Variants in CNTN4 observed in about 807,000 individuals in gnomAD.
CNTN4 encodes the protein contactin-4.
In CNTN4, 77 loss-of-function variants were observed where a neutral mutation model predicts 122.5. The ratio of observed to expected loss-of-function variants is 0.63; its 90% CI spans 0.52 to 0.76. The LOEUF (loss-of-function observed/expected upper bound fraction) is 0.76, where lower values mean the gene tolerates loss of function less well. Among genes scored for constraint, CNTN4 ranks in the 30% least tolerant of loss-of-function variants. The probability of loss-of-function intolerance (pLI) is 0.00; values close to 1 mark genes in which losing one functional copy is unlikely to be tolerated. For missense variants in CNTN4, 1,256 were observed against 1,259.1 expected (o/e 1.00, Z 0.04); for synonymous variants, 512 against 447.0 (o/e 1.15, Z -1.83).
At chr3:2,714,798 C>T (rs947359735) in intron 4 of CNTN4, among the ~76,000 whole-genome samples, 4 of 152,216 alleles carry the variant, frequency 2.6e-5, no homozygotes, top group East Asian at 3.9e-4. Context: ...AGTGCACTGG[C>T]ACTATTACAG....
At chr3:2,246,946 C>G (rs1282874430) in intron 2 of CNTN4, among the ~76,000 whole-genome samples, 2 of 152,086 alleles carry the variant, frequency 1.3e-5, no homozygotes, top group Non-Finnish European at 2.9e-5. Flanking sequence ...GTAGTGCAAA[C>G]ATACACATAG....
At chr3:2,734,072 T>C (rs1400665252) in intron 4 of CNTN4, among the ~76,000 whole-genome samples, 1 of 152,134 alleles carries the variant, frequency 6.6e-6, no homozygotes, top group Non-Finnish European at 1.5e-5. Flanking sequence ...TGTTTTGTTT[T>C]GTTTTGAGAT....
chr3:2,520,445 G>T (rs1240617406), intron 3 of CNTN4, among the ~76,000 whole-genome samples: 1 of 151,442 alleles, frequency 6.6e-6, no homozygotes, highest in African/African-American at 2.4e-5. Context: ...GCTAATTGTT[G>T]TATTTTTAGT....
chr3:2,159,354 A>G lies in CNTN4; in HGVS notation c.-145+58715A>G, dbSNP rs73015085. ...ACTTTCTTAATATTTTAACAATATC[A>G]AAACAGAAAAAAAATTGTTAGGCAT... On this transcript the variant is annotated intron_variant, in intron 2 of 24. Coordinates refer to ENST00000418658, the MANE Select transcript of CNTN4 (RefSeq NM_175607.3). Among the ~76,000 whole-genome samples, 519 of 152,100 alleles carry G rather than the reference A, an allele frequency of 3.4e-3. 4 individuals are homozygous for G. The highest frequency in any genetic ancestry group is 5.8e-3 in the Non-Finnish European group (397 of 68,032).
intron 13 of CNTN4, among the ~76,000 whole-genome samples, chr3:2,935,313 G>A (rs150838564): frequency 2.0e-5 from 3 of 152,210 alleles, no homozygotes; most frequent in African/African-American, 7.2e-5. Flanking sequence ...TTTAAAAAGT[G>A]TCCAATCTAA....
chr3:2,115,324 C>G (rs573148721), intron 2 of CNTN4, among the ~76,000 whole-genome samples: 4 of 152,324 alleles, frequency 2.6e-5, no homozygotes, highest in South Asian at 4.1e-4. Flanking sequence ...GGTTTTGGAG[C>G]TGCTTTGTCC....
At chr3:2,737,723 C>T (rs1389618327) in intron 5 of CNTN4, among the ~76,000 whole-genome samples, 3 of 152,094 alleles carry the variant, frequency 2.0e-5, no homozygotes, top group African/African-American at 7.2e-5. Context: ...CTTCAGAGAA[C>T]AGAGGTCACA....
intron 3 of CNTN4, among the ~76,000 whole-genome samples, chr3:2,436,754 A>G (rs2048271380): frequency 6.6e-6 from 1 of 150,824 alleles, no homozygotes; most frequent in Non-Finnish European, 1.5e-5. Flanking sequence ...AAGCAACTTC[A>G]TATATTTCCT....
At chr3:2,363,907 G>C (rs527828571) in intron 3 of CNTN4, among the ~76,000 whole-genome samples, 55 of 152,266 alleles carry the variant, frequency 3.6e-4, no homozygotes, top group Non-Finnish European at 6.3e-4. Flanking sequence ...TAATGTAGGT[G>C]ATTTCCTACA....
intron 2 of CNTN4, among the ~76,000 whole-genome samples, chr3:2,312,348 A>G (rs1250254576): frequency 6.6e-6 from 1 of 152,150 alleles, no homozygotes; most frequent in East Asian, 1.9e-4. Flanking sequence ...ATCCTCCTGA[A>G]TAATTAGGGC....
rs150296631 is a variant in CNTN4 at position 2,650,860 on chromosome 3, G to A, written c.55+79302G>A. Among the ~76,000 whole-genome samples, 765 of 152,240 alleles carry A rather than the reference G, an allele frequency of 5.0e-3. 2 individuals carry two copies. The highest frequency in any genetic ancestry group is 0.018 in the African/African-American group (742 of 41,542). ...TGCAATGGAAAACCAAAAAACTTGC[G>A]TGGCTCATTTTATTGCAGTATTTGT... is the stretch of plus-strand genomic sequence containing the variant. On this transcript the variant is annotated intron_variant, in intron 4 of 24. Transcript: ENST00000418658.
chr3:2,196,174 T>C (rs2149363043), intron 2 of CNTN4, among the ~76,000 whole-genome samples: 1 of 152,330 alleles, frequency 6.6e-6, no homozygotes, highest in African/African-American at 2.4e-5. Flanking sequence ...TTGATGTCTC[T>C]TTGCTGTTTT....
chr3:2,976,176 G>C (rs1224078436), intron 13 of CNTN4, among the ~76,000 whole-genome samples: 1 of 152,238 alleles, frequency 6.6e-6, no homozygotes, highest in East Asian at 1.9e-4. Context: ...CATGCACTGT[G>C]TCACGAAGAA....
intron 2 of CNTN4, among the ~76,000 whole-genome samples, chr3:2,191,273 T>C (rs183539082): frequency 6.6e-6 from 1 of 151,224 alleles, no homozygotes; most frequent in Admixed American, 6.6e-5. Flanking sequence ...TTTTTGGCAT[T>C]AACCCAGACA....
At chr3:2,935,683 C>CT (rs1217819080) in intron 13 of CNTN4, among the ~76,000 whole-genome samples, 3 of 152,042 alleles carry the variant, frequency 2.0e-5, no homozygotes, top group African/African-American at 7.2e-5. Context: ...TTACCAGAGA[C>CT]TTTTTTTTAT....
At chr3:2,836,558 T>G (rs1576997309) in intron 7 of CNTN4, among the ~76,000 whole-genome samples, 1 of 151,994 alleles carries the variant, frequency 6.6e-6, no homozygotes, top group East Asian at 1.9e-4. Flanking sequence ...GAAAAATACC[T>G]GAGACATTAA....
chr3:2,888,857 G>A (rs989941068), intron 10 of CNTN4, among the ~76,000 whole-genome samples: 5 of 151,544 alleles, frequency 3.3e-5, no homozygotes, highest in African/African-American at 1.2e-4. Flanking sequence ...ATGTATATTC[G>A]GCCATTCCAC....
At chr3:2,785,607 T>A (rs192528494) in intron 6 of CNTN4, among the ~76,000 whole-genome samples, 1 of 151,992 alleles carries the variant, frequency 6.6e-6, no homozygotes, top group South Asian at 2.1e-4. Flanking sequence ...CAAGTTACAG[T>A]GAAAATACAA....
At chr3:2,175,234 C>T (rs531965479) in intron 2 of CNTN4, among the ~76,000 whole-genome samples, 4 of 152,182 alleles carry the variant, frequency 2.6e-5, no homozygotes, top group African/African-American at 9.6e-5. Flanking sequence ...GTCTCCTAAA[C>T]CTCTGCCGAT....
Sources: gnomAD v4.1 joint callset for allele counts (sites outside exome capture counted in the v4.1 genomes callset) on GRCh38, gnomAD v4.1.1 for gene constraint, MANE v1.5 for transcripts, NCBI Gene and HGNC (gene_info 2026-07-23, HGNC 2026-07-21) for gene names.